The following RNF25 variants were observed in gnomAD, a reference collection of about 807,000 sequenced individuals.
The protein encoded by RNF25 is E3 ubiquitin-protein ligase RNF25.
A neutral mutation model predicts 65.0 loss-of-function variants in RNF25; 32 were observed. The ratio of observed to expected loss-of-function variants is 0.49; its 90% CI spans 0.37 to 0.66. RNF25 has a LOEUF of 0.66. Ranked by LOEUF, RNF25 falls within the 30% of genes least tolerant of loss-of-function variation. The pLI, the probability that RNF25 is intolerant of heterozygous loss-of-function variation, is 0.00. For missense variants in RNF25, 493 were observed against 584.8 expected, an observed-to-expected ratio of 0.84 and a Z score of 1.62; for synonymous variants, 207 against 221.2, an observed-to-expected ratio of 0.94 and a Z score of 0.57.
Position 218,668,601 on chromosome 2 carries a change from A to G in RNF25, c.116+4T>C. On this transcript the variant is annotated splice_donor_region_variant and intron_variant, in intron 2 of 9. Coordinates refer to ENST00000295704, the MANE Select transcript of RNF25 (RefSeq NM_022453.3). ...CTCCTGCCCACCACTGGTTGAATAC[A>G]TACCTGCCATTTCCTTTAATCACCT... The G allele has an allele frequency of 6.2e-7, 1 of 1,603,414 alleles. No individual in the cohort carries two copies. Among genetic ancestry groups the G allele is most frequent in the South Asian group, 1.1e-5 (1 of 90,874 alleles).
chr2:218,664,987 G>T lies in RNF25; in HGVS notation c.667-114C>A. On this transcript the variant is annotated intron_variant, in intron 8 of 9. Coordinates refer to ENST00000295704, the MANE Select transcript of RNF25 (RefSeq NM_022453.3). This position sits in a 1 kb window ranked among gnomAD's most constrained non-coding sequence, Gnocchi z 5.1. ...CACTGGTTTTGCCCCTCAGGTCTGGGCTCCCAGAGTCTTAGGCTCCCGCCA... is the reference window on the plus strand; with the variant it reads ...CACTGGTTTTGCCCCTCAGGTCTGGTCTCCCAGAGTCTTAGGCTCCCGCCA... 3 of 1,505,938 alleles carry T rather than the reference G, an allele frequency of 2.0e-6. No individual in the cohort carries two copies. The highest frequency in any genetic ancestry group is 2.7e-6 in the Non-Finnish European group (3 of 1,108,138). The allele number at this position is 1,505,938 out of a possible 1,614,324, so 93.3% of individuals were successfully genotyped here. A position where few individuals can be genotyped will look rare whatever the true frequency, so the allele number is the denominator to read the frequency against.
rs1452092434 is a variant in RNF25 at position 218,664,692 on chromosome 2, A to G, written c.801+47T>C. The G allele has an allele frequency of 6.2e-7, 1 of 1,612,268 alleles. No homozygotes were observed. Among genetic ancestry groups the G allele is most frequent in the East Asian group, 2.2e-5 (1 of 44,872 alleles). On this transcript the variant is annotated intron_variant, in intron 9 of 9. Transcript: ENST00000295704. The surrounding 1 kb of genome is among the most constrained non-coding windows in gnomAD (Gnocchi z 5.1). ...GGGGCCATGGCTGATTGGGGTTTGT[A>G]GAAAGGTTGGTGGCATTACAGGACA...
intron 1 of RNF25, among the ~76,000 whole-genome samples, chr2:218,670,248 T>C (rs1338202168): frequency 6.7e-6 from 1 of 149,044 alleles, no homozygotes; most frequent in Non-Finnish European, 1.5e-5. Context: ...TGAAAACCAG[T>C]AGTCTAGATA....
intron 3 of RNF25, 34 bp downstream of exon 3, chr2:218,668,205 T>C (rs1575114807): frequency 6.2e-7 from 1 of 1,611,600 alleles, no homozygotes; most frequent in South Asian, 1.1e-5. Context: ...ACTCTCCCCT[T>C]CCTCCCTTTG....
intron 2 of RNF25, 33 bp from the exon 3 acceptor site, chr2:218,668,374 A>G: frequency 1.4e-6 from 2 of 1,426,232 alleles, no homozygotes; most frequent in Non-Finnish European, 2.0e-6. Flanking sequence ...CGCAGATGTG[A>G]CTGGGTAGGG....
intron 1 of RNF25, among the ~76,000 whole-genome samples, chr2:218,668,896 T>C (rs183346373): frequency 3.3e-5 from 5 of 152,338 alleles, no homozygotes; most frequent in Non-Finnish European, 7.3e-5. Flanking sequence ...TGCCAACAGA[T>C]GAAGAAGTGG....
chr2:218,671,943 C>T lies in RNF25; in HGVS notation c.28G>A (p.Gly10Arg), dbSNP rs1422604806. Residue 10 changes from glycine to arginine, a missense_variant, in exon 1 of 10, where the codon GGG becomes AGG. By Grantham distance (125) the Gly-to-Arg change is moderately radical (BLOSUM62 -2). Around this residue, in one of 3 missense-constraint regions of RNF25, gnomAD observed 34 missense variants for 18.6 expected, o/e 1.83. Transcript: ENST00000295704. MAASASAAA[G>R]EEDWVLPSEV... ...CCCCAAAGTTACCAGTCCTCCTCCC[C>T]TGCAGCTGCAGACGCAGACGCCGCC... 1.2e-6 allele frequency: 2 copies of T among 1,614,258 alleles called. No individual in the cohort carries two copies. The highest frequency in any genetic ancestry group is 1.7e-6 in the Non-Finnish European group (2 of 1,180,056).
intron 5 of RNF25, 98 bp downstream of exon 5, chr2:218,667,814 G>C (rs1051388300): frequency 5.3e-6 from 6 of 1,130,436 alleles, no homozygotes; most frequent in Non-Finnish European, 7.7e-6. Context: ...AATGACTCCA[G>C]ATCCGTTTAA....
At chr2:218,665,359 C>A in intron 7 of RNF25, 112 bp from the exon 8 acceptor site, 1 of 874,960 alleles carries the variant, frequency 1.1e-6, no homozygotes, top group South Asian at 1.7e-5. Flanking sequence ...ACAGGGACAC[C>A]GGTTCAGCAG....
At chr2:218,667,165 CA>C (rs555032127) in intron 5 of RNF25, among the ~76,000 whole-genome samples, 12,307 of 84,734 alleles carry the variant, frequency 0.15, 1,393 homozygotes, top group African/African-American at 0.35. Context: ...AAGACTGTCT[CA>C]AAAAAAAAAA....
intron 5 of RNF25, 57 bp downstream of exon 5, chr2:218,667,855 C>A: frequency 6.5e-7 from 1 of 1,534,314 alleles, no homozygotes; most frequent in Non-Finnish European, 8.9e-7. Context: ...CCTTTTACAG[C>A]TAGAAACTGC....
chr2:218,670,908 C>T (rs1424115586), intron 1 of RNF25, among the ~76,000 whole-genome samples: 1 of 152,022 alleles, frequency 6.6e-6, no homozygotes, highest in Non-Finnish European at 1.5e-5. Context: ...TGTGGTGGCT[C>T]ACGCCTGTAA....
Position 218,664,791 on chromosome 2 carries a change from C to G in RNF25, c.749G>C (p.Gly250Ala), listed in dbSNP as rs754778205. 25 of 1,613,922 alleles carry G rather than the reference C, an allele frequency of 1.5e-5. No individual in the cohort carries two copies. Among genetic ancestry groups the G allele is most frequent in the Non-Finnish European group, 2.1e-5 (25 of 1,179,910 alleles). ...RLYQRQQERG[G>A]IIDLEAERNR... is the part of the protein sequence containing the mutation. ...TCGCTCAGCCTCAAGGTCAATGATTCCCCCCCGCTCCTGCTGCCTCTGGTA... is the reference window on the plus strand; with the variant it reads ...TCGCTCAGCCTCAAGGTCAATGATTGCCCCCCGCTCCTGCTGCCTCTGGTA... Residue 250 changes from glycine (G) to alanine (A), a missense_variant, in exon 9 of 10, where the codon GGA (glycine) becomes GCA (alanine). Gly to Ala is a moderately conservative substitution (Grantham distance 60). This residue lies in a region of RNF25 where 351 missense variants were observed against 400.2 expected (regional missense o/e 0.88). Coordinates refer to ENST00000295704, the MANE Select transcript of RNF25 (RefSeq NM_022453.3). The surrounding 1 kb of genome is among the most constrained non-coding windows in gnomAD (Gnocchi z 5.1).
At position 218,671,972 on chromosome 2, in the gene RNF25, T is replaced by A. The variant is rs1215868214; in HGVS notation, c.-2A>T. On this transcript the variant is annotated 5_prime_UTR_variant, in exon 1 of 10. Coordinates refer to ENST00000295704, the MANE Select transcript of RNF25 (RefSeq NM_022453.3). Reference sequence around the variant, plus strand: ...AGCTGCAGACGCAGACGCCGCCATATCTTCACCGGCCCGCAGCCGGAACCG... The same window carrying A: ...AGCTGCAGACGCAGACGCCGCCATAACTTCACCGGCCCGCAGCCGGAACCG... The A allele has an allele frequency of 1.9e-6, 3 of 1,614,120 alleles. No individual in the cohort carries two copies. Among genetic ancestry groups the A allele is most frequent in the South Asian group, 2.2e-5 (2 of 91,076 alleles).
Position 218,664,390 on chromosome 2 carries a change from CA to C in RNF25, c.946del (p.Cys316ValfsTer22). The C allele has an allele frequency of 6.2e-7, 1 of 1,614,184 alleles. No individual in the cohort carries two copies. The highest frequency in any genetic ancestry group is 2.2e-5 in the East Asian group (1 of 44,874). On this transcript the variant is annotated frameshift_variant, in exon 10 of 10. Transcript: ENST00000295704. LOFTEE classifies it high-confidence loss of function. This position sits in a 1 kb window ranked among gnomAD's most constrained non-coding sequence, Gnocchi z 5.1. ...PPLPVATQHI[C>X]EKIPGTRSNQ... ...TGACCTGGTCCCTGGAATCTTCTCA[CA>C]TATGTGCTGGGTCGCCACAGGCAGA...
In RNF25 at chr2:218,668,282, G is replaced by A; in HGVS notation, c.176C>T (p.Ser59Leu). The change falls in exon 3 of 10, where the codon TCA becomes TTA. Residue 59 changes from serine (S) to leucine (L), a missense_variant. Coordinates refer to ENST00000295704, the MANE Select transcript of RNF25 (RefSeq NM_022453.3). ...CACCAGAGTGAAGCAGACATACTGTGAATCCTGGTCCTCTGCAGTGGCAGG... is the reference window on the plus strand; with the variant it reads ...CACCAGAGTGAAGCAGACATACTGTAAATCCTGGTCCTCTGCAGTGGCAGG... ...LHPATAEDQD[S>L]QYVCFTLVLQ... is the part of the protein sequence containing the mutation. 6.2e-7 allele frequency: 1 copy of A among 1,613,840 alleles called. No homozygotes were observed. The highest frequency in any genetic ancestry group is 1.3e-5 in the African/African-American group (1 of 74,986).
Position 218,664,790 on chromosome 2 carries a change from T to TC in RNF25, c.749dup (p.Ile251AsnfsTer3), listed in dbSNP as rs746813141. On this transcript the variant is annotated frameshift_variant, in exon 9 of 10. Coordinates refer to ENST00000295704, the MANE Select transcript of RNF25 (RefSeq NM_022453.3). LOFTEE classifies it high-confidence loss of function. The surrounding 1 kb of genome is among the most constrained non-coding windows in gnomAD (Gnocchi z 5.1). ...TTCGCTCAGCCTCAAGGTCAATGAT[T>TC]CCCCCCCGCTCCTGCTGCCTCTGGT... 9 of 1,614,072 alleles carry TC rather than the reference T, an allele frequency of 5.6e-6. No homozygotes were observed. The highest frequency in any genetic ancestry group is 1.3e-5 in the African/African-American group (1 of 75,010).
chr2:218,671,483 T>C (rs984101533), intron 1 of RNF25, among the ~76,000 whole-genome samples: 2 of 152,070 alleles, frequency 1.3e-5, no homozygotes, highest in African/African-American at 4.8e-5. Context: ...TCCTCACTAG[T>C]GCTGTGTGAG....
At chr2:218,668,714 A>G (rs960174699) in intron 1 of RNF25, 35 bp from the exon 2 acceptor site, 2 of 1,462,798 alleles carry the variant, frequency 1.4e-6, no homozygotes, top group Non-Finnish European at 1.9e-6. Context: ...TTACCATTAC[A>G]GCTCTCCCTG....
Sources: allele counts gnomAD v4.1 joint callset (sites outside exome capture counted in the v4.1 genomes callset), GRCh38; gene constraint gnomAD v4.1.1; regional missense constraint gnomAD v4.1.1; non-coding constraint Gnocchi (gnomAD v3.1); transcripts MANE v1.5; gene names NCBI Gene and HGNC (gene_info 2026-07-23, HGNC 2026-07-21).